The following DMD variants were observed in gnomAD, a reference collection of about 807,000 sequenced individuals.
The protein encoded by DMD is dystrophin, also known as mutant dystrophin.
In DMD, 63 loss-of-function variants were observed where a neutral mutation model predicts 330.1. The observed-to-expected ratio is 0.19, with a 90% CI of 0.16 to 0.24. The LOEUF is 0.24. Ranked by LOEUF, DMD falls within the 10% of genes least tolerant of loss-of-function variation. The probability of loss-of-function intolerance (pLI) is 1.00; values close to 1 mark genes in which losing one functional copy is unlikely to be tolerated. For missense variants in DMD, 3,344 were observed against 2,684.1 expected (o/e 1.25, Z -5.43); for synonymous variants, 1,223 against 959.8 (o/e 1.27, Z -5.07).
At chrX:32,632,549 T>C (rs67325906) in intron 11 of DMD, among the ~76,000 whole-genome samples, 15,055 of 112,202 alleles carry the variant, frequency 0.13, 875 homozygotes, top group African/African-American at 0.23. Flanking sequence ...GGAGCAGGCT[T>C]CTGCCTGGAA....
chrX:32,252,677 A>AATAT lies in DMD; in HGVS notation c.6290+34848_6290+34851dup, dbSNP rs766322442. Among the ~76,000 whole-genome samples, 11 of 33,567 alleles carry AATAT rather than the reference A, an allele frequency of 3.3e-4. 1 individual carries two copies. Among genetic ancestry groups the AATAT allele is most frequent in the African/African-American group, 4.5e-4 (3 of 6,647 alleles). The allele number at this position is 33,567 out of a possible 115,157, so 29.1% of individuals were successfully genotyped here. A position where few individuals can be genotyped will look rare whatever the true frequency, so the allele number is the denominator to read the frequency against. On this transcript the variant is annotated intron_variant, in intron 43 of 78. Coordinates refer to ENST00000357033, the MANE Select transcript of DMD (RefSeq NM_004006.3). ...ACAAATATATAAATATATATATATA[A>AATAT]ATATATAAATATATATATAAATATA...
intron 64 of DMD, among the ~76,000 whole-genome samples, chrX:31,214,937 C>CTTTTTTCTTTTTTTTTTTTTTTTTTT (rs1556299261): frequency 7.9e-5 from 3 of 38,099 alleles, no homozygotes; most frequent in African/African-American, 1.2e-4. Context: ...TTTCTTTTTT[C>CTTTTTTCTTTTTTTTTTTTTTTTTTT]TTTTTTTTTT....
intron 44 of DMD, among the ~76,000 whole-genome samples, chrX:32,029,221 A>G (rs750556876): frequency 8.9e-6 from 1 of 111,762 alleles, no homozygotes; most frequent in African/African-American, 3.2e-5. Flanking sequence ...CAATCTAGAG[A>G]TTTTTATAAT....
intron 7 of DMD, among the ~76,000 whole-genome samples, chrX:32,768,467 C>A (rs1047201516): frequency 8.9e-6 from 1 of 112,071 alleles, no homozygotes; most frequent in Non-Finnish European, 1.9e-5. Flanking sequence ...ACAAATTGAA[C>A]ACTTTTCAGC....
At chrX:31,752,944 T>C (rs1322353252) in intron 51 of DMD, among the ~76,000 whole-genome samples, 5 of 112,149 alleles carry the variant, frequency 4.5e-5, no homozygotes. Flanking sequence ...ATTGTTACCA[T>C]GGAGAGGGCA....
At chrX:32,730,494 A>G (rs2067447284) in intron 7 of DMD, among the ~76,000 whole-genome samples, 1 of 112,425 alleles carries the variant, frequency 8.9e-6, no homozygotes, top group East Asian at 2.8e-4. Flanking sequence ...CAGGAAGTAG[A>G]CTTAGAGAGC....
intron 43 of DMD, among the ~76,000 whole-genome samples, chrX:32,253,796 G>C (rs1052500575): frequency 9.3e-5 from 10 of 107,785 alleles, no homozygotes; most frequent in Admixed American, 6.0e-4. Context: ...GCTAATTTTT[G>C]TATTTTTAGT....
intron 67 of DMD, among the ~76,000 whole-genome samples, chrX:31,202,441 C>T (rs1326121494): frequency 2.7e-5 from 3 of 111,957 alleles, no homozygotes; most frequent in Non-Finnish European, 5.6e-5. Flanking sequence ...TTTACATTTA[C>T]AACTAATTTG....
At position 32,263,347 on chromosome X, in the gene DMD, G is replaced by A. The variant is rs759126852; in HGVS notation, c.6290+24182C>T. On this transcript the variant is annotated intron_variant, in intron 43 of 78. Coordinates refer to ENST00000357033, the MANE Select transcript of DMD (RefSeq NM_004006.3). Reference sequence around the variant, plus strand: ...ACTATTGAGGACGCTGGCATGTTTGGAAGAATAACTGTTATTAAATTTTAG... The same window carrying A: ...ACTATTGAGGACGCTGGCATGTTTGAAAGAATAACTGTTATTAAATTTTAG... Among the ~76,000 whole-genome samples the A allele has an allele frequency of 5.4e-5, 6 of 111,861 alleles. No individual in the cohort carries two copies. In the South Asian group the frequency reaches 2.2e-3, roughly 42 times the overall value.
chrX:32,278,861 T>C (rs2097401412), intron 43 of DMD, among the ~76,000 whole-genome samples: 1 of 111,347 alleles, frequency 9.0e-6, no homozygotes, highest in South Asian at 3.7e-4. Flanking sequence ...AAACAATCAA[T>C]AAAGTGAAGA....
intron 15 of DMD, among the ~76,000 whole-genome samples, chrX:32,569,725 C>T (rs1385446374): frequency 9.0e-6 from 1 of 111,474 alleles, no homozygotes; most frequent in Admixed American, 9.6e-5. Flanking sequence ...TTTGATCCCA[C>T]AGCCATTTGA....
chrX:32,220,083 C>T (rs1360129078), intron 43 of DMD, among the ~76,000 whole-genome samples: 1 of 111,612 alleles, frequency 9.0e-6, no homozygotes, highest in East Asian at 2.8e-4. Context: ...GGGGAACAGG[C>T]CTTCCACTTA....
At chrX:33,074,125 C>A (rs2094802061) in intron 1 of DMD, among the ~76,000 whole-genome samples, 2 of 111,250 alleles carry the variant, frequency 1.8e-5, no homozygotes, top group African/African-American at 6.5e-5. Context: ...TCAGTCTTGG[C>A]CAATCCCAGC....
intron 13 of DMD, among the ~76,000 whole-genome samples, chrX:32,575,090 G>A (rs113429644): frequency 0.029 from 3,218 of 110,195 alleles, 105 homozygotes; most frequent in African/African-American, 0.1. Flanking sequence ...TAGACACGGG[G>A]TTTCGCCATC....
At position 32,600,632 on chromosome X, in the gene DMD, C is replaced by T. The variant is rs766566147; in HGVS notation, c.1483-4756G>A. Among the ~76,000 whole-genome samples the T allele has an allele frequency of 2.8e-5, 3 of 106,469 alleles. No individual in the cohort carries two copies. In the East Asian group the frequency reaches 8.8e-4, roughly 31 times the overall value. The allele number at this position is 106,469 out of a possible 115,157, so 92.5% of individuals were successfully genotyped here. On this transcript the variant is annotated intron_variant, in intron 12 of 78. Transcript: ENST00000357033. ...CACACACACACACACACAAAACACA[C>T]CCCTAGAAACAACACAGAACGCTGT...
intron 7 of DMD, among the ~76,000 whole-genome samples, chrX:32,745,777 T>G (rs1233027096): frequency 1.8e-5 from 2 of 112,497 alleles, no homozygotes; most frequent in African/African-American, 6.4e-5. Flanking sequence ...ATTTACAAAG[T>G]AATTCAGTTT....
intron 1 of DMD, among the ~76,000 whole-genome samples, chrX:33,148,727 C>A (rs2048141570): frequency 1.8e-5 from 2 of 111,811 alleles, no homozygotes; most frequent in African/African-American, 6.5e-5. Flanking sequence ...AATGGATCTC[C>A]ATTTAACTGA....
chrX:32,493,750 AG>A (rs900363730), intron 19 of DMD, among the ~76,000 whole-genome samples: 11 of 112,042 alleles, frequency 9.8e-5, no homozygotes, highest in African/African-American at 3.6e-4. Context: ...TATACTGGAC[AG>A]AATTTTTAAA....
intron 59 of DMD, among the ~76,000 whole-genome samples, chrX:31,456,836 ATGTGTGTGTGTGTGTG>A (rs5901988): frequency 7.2e-5 from 6 of 83,263 alleles, no homozygotes; most frequent in Non-Finnish European, 1.1e-4. Context: ...GCCCACATAT[ATGTGTGTGTGTGTGTG>A]TGTGTGTGTG....
Sources: allele counts gnomAD v4.1 joint callset (sites outside exome capture counted in the v4.1 genomes callset), GRCh38; gene constraint gnomAD v4.1.1; transcripts MANE v1.5; gene names NCBI Gene and HGNC (gene_info 2026-07-23, HGNC 2026-07-21).